The following ADIPOR2 variants were observed in gnomAD, a reference collection of about 807,000 sequenced individuals.
ADIPOR2 encodes adiponectin receptor 2.
In ADIPOR2, 18 loss-of-function variants were observed where a neutral mutation model predicts 40.9. The ratio of observed to expected loss-of-function variants is 0.44; its 90% confidence interval spans 0.30 to 0.65. The LOEUF (loss-of-function observed/expected upper bound fraction) is 0.65, where lower values mean the gene tolerates loss of function less well. Ranked by LOEUF, ADIPOR2 falls within the 30% of genes least tolerant of loss-of-function variation. ADIPOR2 has a pLI of 0.09. For synonymous variants in ADIPOR2, 165 were observed against 166.4 expected (o/e 0.99, Z 0.06); for missense variants, 283 against 479.2 (o/e 0.59, Z 3.82).
In ADIPOR2 at chr12:1,750,483, C is replaced by T. The variant is rs780824376; in HGVS notation, c.-86-3775C>T. Among the ~76,000 whole-genome samples the T allele has an allele frequency of 4.6e-5, 7 of 151,648 alleles. No individual in the cohort carries two copies. In the South Asian group the frequency reaches 6.3e-4, roughly 14 times the overall value. On this transcript the variant is annotated intron_variant, in intron 1 of 7. Coordinates refer to ENST00000357103, the MANE Select transcript of ADIPOR2 (RefSeq NM_024551.3). Reference sequence around the variant, plus strand: ...TTGGCAGGTGGAGGGCAGGAGGATCCGTTGAGCCCAGGAGTTCAAGGTTAC... The same window carrying T: ...TTGGCAGGTGGAGGGCAGGAGGATCTGTTGAGCCCAGGAGTTCAAGGTTAC...
At chr12:1,773,734 G>C (rs1456373488) in intron 3 of ADIPOR2, among the ~76,000 whole-genome samples, 2 of 152,098 alleles carry the variant, frequency 1.3e-5, no homozygotes, top group Non-Finnish European at 2.9e-5. Context: ...TTATTATTTA[G>C]AGAGAAATTT....
chr12:1,712,185 G>A (rs1175867935), intron 1 of ADIPOR2, among the ~76,000 whole-genome samples: 1 of 152,074 alleles, frequency 6.6e-6, no homozygotes, highest in Non-Finnish European at 1.5e-5. Flanking sequence ...AGATCCTCTT[G>A]GGTGGCATAA....
chr12:1,786,669 T>C lies in ADIPOR2; in HGVS notation c.*597T>C, dbSNP rs1862843943. 6.5e-6 allele frequency: 1 copy of C among 152,784 alleles called. No individual in the cohort carries two copies. The highest frequency in any genetic ancestry group is 2.4e-5 in the African/African-American group (1 of 41,440). The allele number at this position is 152,784 out of a possible 1,614,324, so 9.5% of individuals were successfully genotyped here. On this transcript the variant is annotated 3_prime_UTR_variant, in exon 8 of 8. Coordinates refer to ENST00000357103, the MANE Select transcript of ADIPOR2 (RefSeq NM_024551.3). Reference sequence around the variant, plus strand: ...GCAAGTACCACACACTGTTTGAATTTTGCACAAAAAGTGACTGTAGGATCA... The same window carrying C: ...GCAAGTACCACACACTGTTTGAATTCTGCACAAAAAGTGACTGTAGGATCA...
intron 1 of ADIPOR2, chr12:1,696,727 C>G (rs1481264298): frequency 6.5e-6 from 1 of 152,782 alleles, no homozygotes; most frequent in African/African-American, 2.4e-5. Flanking sequence ...TTACTGGGGC[C>G]TCTGTCAGCT....
intron 2 of ADIPOR2, among the ~76,000 whole-genome samples, chr12:1,767,742 A>G (rs60552340): frequency 0.07 from 10,709 of 152,224 alleles, 1,004 homozygotes; most frequent in African/African-American, 0.21. Flanking sequence ...GGATATGGAT[A>G]TTTACAGGGT....
At chr12:1,778,227 AT>A in intron 4 of ADIPOR2, 1 of 522,090 alleles carries the variant, frequency 1.9e-6, no homozygotes, top group East Asian at 4.2e-5. Flanking sequence ...CTTAAGTTAT[AT>A]TTCTTTCTAC....
At chr12:1,771,883 T>G (rs938529935) in intron 2 of ADIPOR2, among the ~76,000 whole-genome samples, 2 of 152,224 alleles carry the variant, frequency 1.3e-5, no homozygotes, top group Non-Finnish European at 2.9e-5. Context: ...TGCTGTCTTA[T>G]TCATTGAGTT....
At chr12:1,722,891 A>G (rs1307131873) in intron 1 of ADIPOR2, among the ~76,000 whole-genome samples, 1 of 152,190 alleles carries the variant, frequency 6.6e-6, no homozygotes, top group African/African-American at 2.4e-5. Flanking sequence ...TTGACTGTAG[A>G]TGCAGAGTAT....
chr12:1,762,473 G>A (rs1377070848), intron 2 of ADIPOR2, among the ~76,000 whole-genome samples: 1 of 152,086 alleles, frequency 6.6e-6, no homozygotes, highest in Non-Finnish European at 1.5e-5. Flanking sequence ...AATAGTTGTT[G>A]AATGAATTTA....
At chr12:1,761,889 G>A (rs1451040844) in intron 2 of ADIPOR2, among the ~76,000 whole-genome samples, 1 of 152,146 alleles carries the variant, frequency 6.6e-6, no homozygotes, top group Non-Finnish European at 1.5e-5. Context: ...AGTTTATTAT[G>A]CCATTCCCAT....
At chr12:1,700,222 A>T (rs960137908) in intron 1 of ADIPOR2, among the ~76,000 whole-genome samples, 2 of 152,196 alleles carry the variant, frequency 1.3e-5, no homozygotes, top group Non-Finnish European at 2.9e-5. Flanking sequence ...CACTTTGGCC[A>T]TTTAGGCCTT....
At chr12:1,743,715 T>C (rs1398233825) in intron 1 of ADIPOR2, among the ~76,000 whole-genome samples, 1 of 152,212 alleles carries the variant, frequency 6.6e-6, no homozygotes, top group Admixed American at 6.5e-5. Flanking sequence ...CAGGTACTGT[T>C]ATTAATATGA....
chr12:1,695,401 C>A (rs2094636413), intron 1 of ADIPOR2, among the ~76,000 whole-genome samples: 1 of 151,444 alleles, frequency 6.6e-6, no homozygotes, highest in South Asian at 2.1e-4. Context: ...CGTCGGTAAT[C>A]CTTGCACTTT....
chr12:1,747,062 A>ACCC (rs2094756823), intron 1 of ADIPOR2, among the ~76,000 whole-genome samples: 1 of 117,232 alleles, frequency 8.5e-6, no homozygotes, highest in African/African-American at 3.6e-5. Flanking sequence ...CCCCCCCCCA[A>ACCC]AAAATAAAAA....
chr12:1,748,304 A>G (rs962296787), intron 1 of ADIPOR2, among the ~76,000 whole-genome samples: 11 of 152,048 alleles, frequency 7.2e-5, no homozygotes, highest in Admixed American at 6.5e-5. Flanking sequence ...GCTGGAGTGC[A>G]GTGGCGCGAT....
chr12:1,758,066 C>T lies in ADIPOR2; in HGVS notation c.171+3552C>T, dbSNP rs1258819587. 1.8e-5 allele frequency: 11 copies of T among 607,926 alleles called. No individual in the cohort carries two copies. In the East Asian group the frequency reaches 3.1e-4, roughly 17 times the overall value. The allele number at this position is 607,926 out of a possible 1,614,324, so 37.7% of individuals were successfully genotyped here. A position where few individuals can be genotyped will look rare whatever the true frequency, so the allele number is the denominator to read the frequency against. On this transcript the variant is annotated intron_variant, in intron 2 of 7. Coordinates refer to ENST00000357103, the MANE Select transcript of ADIPOR2 (RefSeq NM_024551.3). ...ATTTTTAGAGTCCAGAACTTGCCCA[C>T]CCAATCACTTTTGTGTCAGATTTAC...
At chr12:1,730,633 A>C (rs1022532901) in intron 1 of ADIPOR2, 22 of 151,930 alleles carry the variant, frequency 1.4e-4, no homozygotes, top group Admixed American at 1.2e-3. Context: ...AAAAAACAAA[A>C]AAAACCAAAC....
At chr12:1,703,369 A>G (rs2094654506) in intron 1 of ADIPOR2, among the ~76,000 whole-genome samples, 1 of 152,212 alleles carries the variant, frequency 6.6e-6, no homozygotes, top group Non-Finnish European at 1.5e-5. Context: ...AATAGTTGCC[A>G]CTGGAGTGGT....
intron 1 of ADIPOR2, among the ~76,000 whole-genome samples, chr12:1,723,639 C>G (rs1047508045): frequency 4.0e-5 from 6 of 149,540 alleles, no homozygotes; most frequent in African/African-American, 1.5e-4. Context: ...GACTCCATCT[C>G]AAAAACAAAA....
Sources: gnomAD v4.1 joint callset for allele counts (sites outside exome capture counted in the v4.1 genomes callset) on GRCh38, gnomAD v4.1.1 for gene constraint, MANE v1.5 for transcripts, NCBI Gene and HGNC (gene_info 2026-07-23, HGNC 2026-07-21) for gene names.